KPNA1: variants seen among roughly 807,000 people sequenced by gnomAD.
KPNA1 encodes importin subunit alpha-5.
A neutral mutation model predicts 70.5 loss-of-function variants in KPNA1; 10 were observed. That is an observed-to-expected ratio of 0.14 (90% CI 0.09 to 0.24). The LOEUF (loss-of-function observed/expected upper bound fraction) is 0.24. Among genes scored for constraint, KPNA1 ranks in the 10% least tolerant of loss-of-function variants. The pLI is 1.00. For synonymous variants in KPNA1, 192 were observed against 221.9 expected, an observed-to-expected ratio of 0.87 and a Z score of 1.20; for missense variants, 397 against 637.9, an observed-to-expected ratio of 0.62 and a Z score of 4.07.
At chr3:122,490,075 A>G (rs2076680148) in intron 2 of KPNA1, among the ~76,000 whole-genome samples, 1 of 152,242 alleles carries the variant, frequency 6.6e-6, no homozygotes, top group South Asian at 2.1e-4. Flanking sequence ...CTTTAAAATG[A>G]TATTTTCTCT....
chr3:122,448,760 AAAAAAG>A (rs2076167993), intron 9 of KPNA1, among the ~76,000 whole-genome samples: 1 of 152,168 alleles, frequency 6.6e-6, no homozygotes, highest in African/African-American at 2.4e-5. Flanking sequence ...AAAGAAAAAA[AAAAAAG>A]AAATGGCTAA....
At chr3:122,489,468 A>AT (rs1253290869) in intron 2 of KPNA1, among the ~76,000 whole-genome samples, 1 of 151,542 alleles carries the variant, frequency 6.6e-6, no homozygotes, top group Non-Finnish European at 1.5e-5. Context: ...TTATTTATTT[A>AT]TCTTTTGGTA....
intron 10 of KPNA1, among the ~76,000 whole-genome samples, chr3:122,439,305 C>G (rs996116015): frequency 3.9e-5 from 6 of 152,144 alleles, no homozygotes; most frequent in South Asian, 2.1e-4. Flanking sequence ...GCCTCAGCCT[C>G]CTGAGTAGAG....
chr3:122,477,790 C>G (rs1451016451), intron 2 of KPNA1, among the ~76,000 whole-genome samples: 1 of 151,486 alleles, frequency 6.6e-6, no homozygotes, highest in African/African-American at 2.4e-5. Context: ...ACAATATATA[C>G]ATATTTCAAA....
At chr3:122,444,631 G>C (rs1395117659) in intron 9 of KPNA1, among the ~76,000 whole-genome samples, 1 of 152,192 alleles carries the variant, frequency 6.6e-6, no homozygotes, top group Non-Finnish European at 1.5e-5. Flanking sequence ...CCAAGTAGGG[G>C]CCGAGAGACA....
At chr3:122,498,197 CAT>C (rs1285471947) in intron 1 of KPNA1, among the ~76,000 whole-genome samples, 1 of 152,212 alleles carries the variant, frequency 6.6e-6, no homozygotes, top group Non-Finnish European at 1.5e-5. Flanking sequence ...ACCCAAAATT[CAT>C]ATGTTAAATC....
At chr3:122,486,342 G>A (rs1433936960) in intron 2 of KPNA1, among the ~76,000 whole-genome samples, 1 of 152,122 alleles carries the variant, frequency 6.6e-6, no homozygotes, top group African/African-American at 2.4e-5. Context: ...ATACCAAAAT[G>A]ATTAAACTGT....
chr3:122,478,659 C>T (rs901022122), intron 2 of KPNA1, among the ~76,000 whole-genome samples: 1 of 149,868 alleles, frequency 6.7e-6, no homozygotes, highest in Non-Finnish European at 1.5e-5. Context: ...ACCCAGGAGG[C>T]GGAAGTTGCA....
At chr3:122,500,085 C>T (rs955119523) in intron 1 of KPNA1, among the ~76,000 whole-genome samples, 9 of 152,060 alleles carry the variant, frequency 5.9e-5, no homozygotes, top group African/African-American at 1.7e-4. Flanking sequence ...TCATCTAAAC[C>T]ATTTTATTTA....
chr3:122,428,330 A>G (rs1392580283), intron 12 of KPNA1, among the ~76,000 whole-genome samples: 1 of 152,192 alleles, frequency 6.6e-6, no homozygotes, highest in Admixed American at 6.5e-5. Context: ...TGGTTTCTCA[A>G]GTTGAGTACA....
intron 2 of KPNA1, among the ~76,000 whole-genome samples, chr3:122,481,899 A>G (rs1015562507): frequency 6.6e-6 from 1 of 152,276 alleles, no homozygotes; most frequent in Non-Finnish European, 1.5e-5. Context: ...CCTTAACGTC[A>G]TATGACATTT....
At chr3:122,487,833 T>C (rs961642925) in intron 2 of KPNA1, among the ~76,000 whole-genome samples, 2 of 152,242 alleles carry the variant, frequency 1.3e-5, no homozygotes, top group African/African-American at 4.8e-5. Context: ...ATATATGTTA[T>C]ATAACAATGT....
intron 1 of KPNA1, among the ~76,000 whole-genome samples, chr3:122,501,549 A>C (rs74764047): frequency 0.015 from 2,316 of 152,222 alleles, 28 homozygotes; most frequent in Non-Finnish European, 0.024. Flanking sequence ...TACTGATCTA[A>C]TTTCTTTCCA....
At chr3:122,499,681 T>C (rs6438733) in intron 1 of KPNA1, among the ~76,000 whole-genome samples, 148,260 of 151,892 alleles carry the variant, frequency 0.98, 72,463 homozygotes, top group East Asian at 1. Flanking sequence ...ATGGCTTGAG[T>C]CCAGCAGTTG....
At chr3:122,451,847 A>ATTCCAG in intron 7 of KPNA1, 129 bp downstream of exon 7, 1 of 716,298 alleles carries the variant, frequency 1.4e-6, no homozygotes, top group Non-Finnish European at 2.3e-6. Context: ...CTAAACAAGA[A>ATTCCAG]AATATCTGGA....
At chr3:122,480,876 C>G (rs765438114) in intron 2 of KPNA1, among the ~76,000 whole-genome samples, 1 of 151,882 alleles carries the variant, frequency 6.6e-6, no homozygotes. Flanking sequence ...GTAGTCCTAG[C>G]TACTTGGGAG....
intron 1 of KPNA1, among the ~76,000 whole-genome samples, chr3:122,499,524 G>A (rs7653592): frequency 0.15 from 23,018 of 151,746 alleles, 1,841 homozygotes; most frequent in East Asian, 0.32. Flanking sequence ...AGGTTAAGGC[G>A]GGAGTATCAC....
chr3:122,454,471 A>G (rs1307580737), intron 5 of KPNA1, among the ~76,000 whole-genome samples: 1 of 152,234 alleles, frequency 6.6e-6, no homozygotes, highest in Non-Finnish European at 1.5e-5. Context: ...GGGAATAAGG[A>G]TGAAAAAGAT....
At chr3:122,461,188 T>C in intron 5 of KPNA1, 36 bp downstream of exon 5, 1 of 1,314,428 alleles carries the variant, frequency 7.6e-7, no homozygotes, top group Non-Finnish European at 1.1e-6. Context: ...TCAAAAGGAA[T>C]TAAGTTATGA....
Sources: allele counts gnomAD v4.1 joint callset (sites outside exome capture counted in the v4.1 genomes callset), GRCh38; gene constraint gnomAD v4.1.1; transcripts MANE v1.5; gene names NCBI Gene and HGNC (gene_info 2026-07-23, HGNC 2026-07-21).